Variants in DRG2 observed in about 807,000 individuals in gnomAD.
The protein encoded by DRG2 is developmentally regulated GTP binding protein 2.
DRG2 carries 36 observed loss-of-function variants against 53.4 expected under a neutral mutation model. The ratio of observed to expected loss-of-function variants is 0.67; its 90% CI spans 0.52 to 0.89. DRG2 has a LOEUF of 0.89. Among genes scored for constraint, DRG2 ranks in the 40% least tolerant of loss-of-function variants. The pLI is 0.00. For missense variants in DRG2, 342 were observed against 481.2 expected, an observed-to-expected ratio of 0.71 and a Z score of 2.71; for synonymous variants, 167 against 192.1, an observed-to-expected ratio of 0.87 and a Z score of 1.08.
rs2045496871 is a variant in DRG2, at chr17:18,099,769, C to T, written c.467+46C>T. 2.6e-6 allele frequency: 4 copies of T among 1,547,642 alleles called. No individual in the cohort carries two copies. Among genetic ancestry groups the T allele is most frequent in the Non-Finnish European group, 3.5e-6 (4 of 1,139,996 alleles). ...GGCAGGCTCACATGTCTGGGGAGGG[C>T]CAATGTGTCCCTGAGCTCGTACTAG... On this transcript the variant is annotated intron_variant, in intron 5 of 12. Coordinates refer to ENST00000225729, the MANE Select transcript of DRG2 (RefSeq NM_001388.5). This position sits in a 1 kb window ranked among gnomAD's most constrained non-coding sequence, Gnocchi z 4.4.
chr17:18,099,769 C>A lies in DRG2; in HGVS notation c.467+46C>A. 6.5e-7 allele frequency: 1 copy of A among 1,547,638 alleles called. No individual in the cohort carries two copies. The highest frequency in any genetic ancestry group is 8.8e-7 in the Non-Finnish European group (1 of 1,139,992). ...GGCAGGCTCACATGTCTGGGGAGGG[C>A]CAATGTGTCCCTGAGCTCGTACTAG... On this transcript the variant is annotated intron_variant, in intron 5 of 12. Transcript: ENST00000225729. The surrounding 1 kb of genome is among the most constrained non-coding windows in gnomAD (Gnocchi z 4.4).
At position 18,103,686 on chromosome 17, in the gene DRG2, G is replaced by T; in HGVS notation, c.807-115G>T. The T allele has an allele frequency of 1.1e-6, 1 of 918,562 alleles. No individual in the cohort carries two copies. Among genetic ancestry groups the T allele is most frequent in the Non-Finnish European group, 1.8e-6 (1 of 570,648 alleles). The allele number at this position is 918,562 out of a possible 1,614,324, so 56.9% of individuals were successfully genotyped here. ...TAGTAATGGGCTTGTTTCCCTGTGG[G>T]TACCAGCGGGCCACCTGGCCAGTGG... On this transcript the variant is annotated intron_variant, in intron 9 of 12. Transcript: ENST00000225729. The surrounding 1 kb of genome is among the most constrained non-coding windows in gnomAD (Gnocchi z 4.4).
chr17:18,099,600 A>G lies in DRG2; in HGVS notation c.377-33A>G. ...GGCTGGGTAGCAGTCACATGGGTCC[A>G]CATATGTAACTGCATCCCTCACACC... On this transcript the variant is annotated intron_variant, in intron 4 of 12. Coordinates refer to ENST00000225729, the MANE Select transcript of DRG2 (RefSeq NM_001388.5). This position sits in a 1 kb window ranked among gnomAD's most constrained non-coding sequence, Gnocchi z 4.4. The G allele has an allele frequency of 4.4e-6, 7 of 1,579,124 alleles. No individual in the cohort carries two copies. Among genetic ancestry groups the G allele is most frequent in the Non-Finnish European group, 6.0e-6 (7 of 1,163,014 alleles).
At chr17:18,088,824 C>A (rs1217571174) in intron 1 of DRG2, among the ~76,000 whole-genome samples, 2 of 152,136 alleles carry the variant, frequency 1.3e-5, no homozygotes, top group Non-Finnish European at 2.9e-5. Context: ...GAGGAGAGAA[C>A]GATGACACCA....
chr17:18,105,339 T>C (rs2045610958), intron 11 of DRG2: 1 of 152,792 alleles, frequency 6.5e-6, no homozygotes, highest in Non-Finnish European at 1.5e-5. Context: ...CTAGCTCATT[T>C]CTTCTTGGGA....
intron 1 of DRG2, among the ~76,000 whole-genome samples, chr17:18,093,083 G>A (rs1265453471): frequency 6.6e-6 from 1 of 152,218 alleles, no homozygotes; most frequent in Non-Finnish European, 1.5e-5. Context: ...GGATGCCTTT[G>A]GGATGTGACA....
rs78451519 is a variant in DRG2, at chr17:18,103,234, G to A, written c.807-567G>A. On this transcript the variant is annotated intron_variant, in intron 9 of 12. Transcript: ENST00000225729. The surrounding 1 kb of genome is among the most constrained non-coding windows in gnomAD (Gnocchi z 4.4). ...AGGTCAGGACACAGCTCGGGGTCAC[G>A]GCGCAAACCTTCAAGCCACGGTCCA... Among the ~76,000 whole-genome samples, 1,954 of 152,182 alleles carry A rather than the reference G, an allele frequency of 0.013. 46 individuals carry two copies. Among genetic ancestry groups the A allele is most frequent in the East Asian group, 0.11 (547 of 5,156 alleles).
At chr17:18,088,768 C>A (rs1230566535) in intron 1 of DRG2, among the ~76,000 whole-genome samples, 1 of 152,166 alleles carries the variant, frequency 6.6e-6, no homozygotes, top group African/African-American at 2.4e-5. Context: ...AGCCTCAAAT[C>A]TGGACTTTAG....
rs1421069087 is a variant in DRG2, at chr17:18,106,506, G to A, written c.1008+20G>A. On this transcript the variant is annotated intron_variant, in intron 12 of 12. Coordinates refer to ENST00000225729, the MANE Select transcript of DRG2 (RefSeq NM_001388.5). ...GTGTGGGTGAGTCTCTGGGTGGAAA[G>A]CAACCAGGGGGGTAGACCCAGGACA... The A allele has an allele frequency of 6.2e-7, 1 of 1,613,794 alleles. No individual in the cohort carries two copies.
At position 18,100,332 on chromosome 17, in the gene DRG2, C is replaced by G; in HGVS notation, c.468-31C>G. 1 of 1,611,582 alleles carries G rather than the reference C, an allele frequency of 6.2e-7. No homozygotes were observed. Among genetic ancestry groups the G allele is most frequent in the Non-Finnish European group, 8.5e-7 (1 of 1,177,876 alleles). On this transcript the variant is annotated intron_variant, in intron 5 of 12. Coordinates refer to ENST00000225729, the MANE Select transcript of DRG2 (RefSeq NM_001388.5). This position sits in a 1 kb window ranked among gnomAD's most constrained non-coding sequence, Gnocchi z 4.1. ...CTGTGCATCTGGCTCTGTGGACAGC[C>G]TGTGAGGGGCTTAAGGGGTACTCTT...
chr17:18,090,035 T>A (rs2045286324), intron 1 of DRG2, among the ~76,000 whole-genome samples: 1 of 151,732 alleles, frequency 6.6e-6, no homozygotes, highest in African/African-American at 2.4e-5. Flanking sequence ...CCAAGGAAAG[T>A]CACAGGGAGG....
intron 11 of DRG2, chr17:18,106,096 G>A: frequency 2.8e-6 from 1 of 356,258 alleles, no homozygotes; most frequent in Non-Finnish European, 5.4e-6. Flanking sequence ...CTATCACCCT[G>A]TCCCATTCTA....
chr17:18,104,770 G>T (rs2045598934), intron 11 of DRG2, 89 bp downstream of exon 11: 5 of 1,597,304 alleles, frequency 3.1e-6, no homozygotes, highest in Non-Finnish European at 4.3e-6. Flanking sequence ...TGGGCTGGGG[G>T]TGGGCTCTGC....
rs756569837 is a variant in DRG2, at chr17:18,101,608, G to T, written c.729+18G>T. 3.7e-6 allele frequency: 6 copies of T among 1,611,344 alleles called. No individual in the cohort carries two copies. The highest frequency in any genetic ancestry group is 4.2e-6 in the Non-Finnish European group (5 of 1,178,018). On this transcript the variant is annotated intron_variant, in intron 8 of 12. Transcript: ENST00000225729. ...GCCTGTATGTAAGTGCAGGAGGGGA[G>T]CCCTGGCCTGGCCACTCGGCCTTTC... is the stretch of plus-strand genomic sequence containing the variant.
At position 18,107,358 on chromosome 17, in the gene DRG2, T is replaced by A; in HGVS notation, c.*118T>A. On this transcript the variant is annotated 3_prime_UTR_variant, in exon 13 of 13. Transcript: ENST00000225729. ...TACACGTACCCCAGGAAGGGGTCCC[T>A]CAAGTCTCTGCTATTTACAGAAGTT... The A allele has an allele frequency of 1.0e-6, 1 of 999,912 alleles. No individual in the cohort carries two copies. The highest frequency in any genetic ancestry group is 1.4e-5 in the South Asian group (1 of 69,370). The allele number at this position is 999,912 out of a possible 1,614,324, so 61.9% of individuals were successfully genotyped here. A position where few individuals can be genotyped will look rare whatever the true frequency, so the allele number is the denominator to read the frequency against.
At chr17:18,107,083 C>A in intron 12 of DRG2, 71 bp from the exon 13 acceptor site, 1 of 1,438,012 alleles carries the variant, frequency 7.0e-7, no homozygotes, top group Non-Finnish European at 9.7e-7. Context: ...GACACACACG[C>A]CCAGGGATAT....
At chr17:18,095,830 G>C (rs541942271) in intron 2 of DRG2, 2 of 152,314 alleles carry the variant, frequency 1.3e-5, no homozygotes, top group East Asian at 3.9e-4. Context: ...ATATTGATCT[G>C]TTCTTGCCTC....
At position 18,095,445 on chromosome 17, in the gene DRG2, A is replaced by G. The variant is rs1368789580; in HGVS notation, c.225+1472A>G. 6 of 122,234 alleles carry G rather than the reference A, an allele frequency of 4.9e-5. No homozygotes were observed. In the Admixed American group the frequency reaches 6.5e-4, roughly 13 times the overall value. The allele number at this position is 122,234 out of a possible 1,614,324, so 7.6% of individuals were successfully genotyped here. Reference sequence around the variant, plus strand: ...GTTTCACTCTTGTTGCCCAAGCTGGAGTACAATGGCACGATCTCAGCTCAC... The same window carrying G: ...GTTTCACTCTTGTTGCCCAAGCTGGGGTACAATGGCACGATCTCAGCTCAC... On this transcript the variant is annotated intron_variant, in intron 2 of 12. Coordinates refer to ENST00000225729, the MANE Select transcript of DRG2 (RefSeq NM_001388.5).
chr17:18,097,276 A>G (rs2045450230), intron 2 of DRG2: 1 of 152,146 alleles, frequency 6.6e-6, no homozygotes, highest in Non-Finnish European at 1.5e-5. Flanking sequence ...GGGTTTCTGG[A>G]TTTGGGAACT....
Sources: gnomAD v4.1 joint callset for allele counts (sites outside exome capture counted in the v4.1 genomes callset) on GRCh38, gnomAD v4.1.1 for gene constraint, Gnocchi (gnomAD v3.1) non-coding constraint, MANE v1.5 for transcripts, NCBI Gene and HGNC (gene_info 2026-07-23, HGNC 2026-07-21) for gene names.